MOB1B: variants seen among roughly 807,000 people sequenced by gnomAD.
MOB1B encodes the protein MOB1 Mps One Binder homolog B.
In MOB1B, 19 loss-of-function variants were observed where a neutral mutation model predicts 24.4. The ratio of observed to expected loss-of-function variants is 0.78; its 90% CI spans 0.54 to 1.14. The LOEUF (loss-of-function observed/expected upper bound fraction) is 1.14. Ranked by LOEUF, MOB1B falls within the 50% of genes most tolerant of loss-of-function variation. The probability of loss-of-function intolerance (pLI) is 0.00; values close to 1 mark genes in which losing one functional copy is unlikely to be tolerated. For synonymous variants in MOB1B, 76 were observed against 82.1 expected, an observed-to-expected ratio of 0.93 and a Z score of 0.40; for missense variants, 243 against 259.6, an observed-to-expected ratio of 0.94 and a Z score of 0.44.
At chr4:70,953,135 C>T (rs1056417768) in intron 1 of MOB1B, among the ~76,000 whole-genome samples, 1 of 151,810 alleles carries the variant, frequency 6.6e-6, no homozygotes. Context: ...GATAGGGTTT[C>T]ACCATGTTGG....
intron 1 of MOB1B, among the ~76,000 whole-genome samples, chr4:70,902,937 C>G (rs1015758412): frequency 3.3e-5 from 5 of 152,210 alleles, no homozygotes; most frequent in Non-Finnish European, 5.9e-5. Context: ...GGTTGAATGG[C>G]TCCGTCGCGG....
intron 5 of MOB1B, among the ~76,000 whole-genome samples, chr4:70,980,359 G>T (rs756285188): frequency 2.6e-5 from 4 of 152,174 alleles, no homozygotes; most frequent in Non-Finnish European, 5.9e-5. Context: ...TCAGGTTGTG[G>T]TGGTTTAAGA....
At chr4:70,942,494 G>A (rs984741448) in intron 1 of MOB1B, among the ~76,000 whole-genome samples, 1 of 151,866 alleles carries the variant, frequency 6.6e-6, no homozygotes, top group Non-Finnish European at 1.5e-5. Flanking sequence ...CCATGGTTTT[G>A]AACTTTAACA....
Position 70,982,282 on chromosome 4 carries a change from G to T in MOB1B, c.*225G>T. 2.9e-6 allele frequency: 1 copy of T among 348,354 alleles called. No individual in the cohort carries two copies. The highest frequency in any genetic ancestry group is 5.2e-6 in the Non-Finnish European group (1 of 192,856). 21.6% of individuals were successfully genotyped at this position (348,354 alleles called of 1,614,324 possible). A position where few individuals can be genotyped will look rare whatever the true frequency, so the allele number is the denominator to read the frequency against. On this transcript the variant is annotated 3_prime_UTR_variant, in exon 6 of 6. Coordinates refer to ENST00000309395, the MANE Select transcript of MOB1B (RefSeq NM_173468.4). ...ACTTGATAAGGGTAAATTTATCTTA[G>T]TGTTTTTAAACTTGGTTTTGGTTAC...
chr4:70,955,403 T>G (rs1189857757), intron 1 of MOB1B, among the ~76,000 whole-genome samples: 1 of 152,084 alleles, frequency 6.6e-6, no homozygotes, highest in Non-Finnish European at 1.5e-5. Context: ...CTTTTCCTAA[T>G]TAATCACACA....
chr4:70,915,428 G>A (rs1266709614), intron 1 of MOB1B, among the ~76,000 whole-genome samples: 2 of 152,226 alleles, frequency 1.3e-5, no homozygotes, highest in Non-Finnish European at 2.9e-5. Flanking sequence ...ACAGAATTTT[G>A]AGGAGTTTAA....
chr4:70,914,651 A>G (rs1736126434), intron 1 of MOB1B, among the ~76,000 whole-genome samples: 1 of 152,198 alleles, frequency 6.6e-6, no homozygotes, highest in Non-Finnish European at 1.5e-5. Context: ...CACTACCTTC[A>G]GTTGCAAGTC....
intron 3 of MOB1B, among the ~76,000 whole-genome samples, chr4:70,971,815 C>T (rs1271007636): frequency 6.6e-6 from 1 of 152,170 alleles, no homozygotes; most frequent in Non-Finnish European, 1.5e-5. Flanking sequence ...CTGTTTGTCT[C>T]TGCTCCTGTA....
chr4:70,966,560 G>A (rs995072669), intron 2 of MOB1B, among the ~76,000 whole-genome samples: 2 of 151,790 alleles, frequency 1.3e-5, no homozygotes, highest in African/African-American at 4.8e-5. Flanking sequence ...TTTTAGTAGA[G>A]ACGGGGTTTC....
At chr4:70,929,252 C>T (rs1259213284) in intron 1 of MOB1B, among the ~76,000 whole-genome samples, 1 of 147,580 alleles carries the variant, frequency 6.8e-6, no homozygotes, top group African/African-American at 2.5e-5. Context: ...GATCTTGGCC[C>T]ACTGCAAGCT....
intron 4 of MOB1B, chr4:70,976,780 C>G: frequency 5.0e-6 from 1 of 199,062 alleles, no homozygotes; most frequent in Non-Finnish European, 7.8e-6. Flanking sequence ...ATATATCTCT[C>G]TCTCTCAATC....
chr4:70,971,323 T>C (rs150502217), intron 3 of MOB1B, among the ~76,000 whole-genome samples: 2 of 152,112 alleles, frequency 1.3e-5, no homozygotes, highest in African/African-American at 4.8e-5. Flanking sequence ...CTGGGCAACA[T>C]AGTGAATCTC....
At chr4:70,925,675 A>G (rs1164850718) in intron 1 of MOB1B, among the ~76,000 whole-genome samples, 2 of 152,180 alleles carry the variant, frequency 1.3e-5, no homozygotes, top group Non-Finnish European at 2.9e-5. Context: ...ATGCATTTTA[A>G]TAAGATCCCT....
At chr4:70,964,583 G>A (rs550546204) in intron 2 of MOB1B, among the ~76,000 whole-genome samples, 102 of 152,254 alleles carry the variant, frequency 6.7e-4, no homozygotes, top group Non-Finnish European at 1.1e-3. Context: ...AATGAACTAA[G>A]CATCCATCTC....
intron 1 of MOB1B, among the ~76,000 whole-genome samples, chr4:70,957,632 G>A (rs566946238): frequency 6.6e-6 from 1 of 152,062 alleles, no homozygotes; most frequent in South Asian, 2.1e-4. Flanking sequence ...TAGAGATGGA[G>A]GGAGTCTCAT....
chr4:70,926,227 C>T (rs1304451082), intron 1 of MOB1B, among the ~76,000 whole-genome samples: 4 of 151,494 alleles, frequency 2.6e-5, no homozygotes, highest in South Asian at 2.1e-4. Context: ...TCAAGCAGTC[C>T]GTCCACCTTG....
In MOB1B at chr4:70,958,859, C is replaced by A; in HGVS notation, c.15-15C>A. On this transcript the variant is annotated splice_polypyrimidine_tract_variant and intron_variant, in intron 1 of 5. Transcript: ENST00000309395. ...CTTAAATATTAAACCCTTTTTTTTT[C>A]TTTTCTATTCATAGTGGTAGTCGCT... 1 of 1,571,956 alleles carries A rather than the reference C, an allele frequency of 6.4e-7. No individual in the cohort carries two copies. Among genetic ancestry groups the A allele is most frequent in the Non-Finnish European group, 8.6e-7 (1 of 1,162,744 alleles).
intron 1 of MOB1B, among the ~76,000 whole-genome samples, chr4:70,927,012 A>AG (rs948325239): frequency 6.6e-6 from 1 of 150,792 alleles, no homozygotes; most frequent in African/African-American, 2.4e-5. Flanking sequence ...AGAAAAAAAA[A>AG]AAAAGAAATA....
chr4:70,957,450 A>G (rs1480177765), intron 1 of MOB1B, among the ~76,000 whole-genome samples: 1 of 144,312 alleles, frequency 6.9e-6, no homozygotes, highest in Non-Finnish European at 1.5e-5. Flanking sequence ...TTTTTTTTTT[A>G]AAGAGGCAGG....
Sources: gnomAD v4.1 joint callset for allele counts (sites outside exome capture counted in the v4.1 genomes callset) on GRCh38, gnomAD v4.1.1 for gene constraint, MANE v1.5 for transcripts, NCBI Gene and HGNC (gene_info 2026-07-23, HGNC 2026-07-21) for gene names.